Variants in CBFA2T3 observed in about 807,000 individuals in gnomAD.
The protein encoded by CBFA2T3 is CBFA2/RUNX1 partner transcriptional co-repressor 3, also known as transcriptional corepressor CBFA2T3.
A neutral mutation model predicts 58.6 loss-of-function variants in CBFA2T3; 31 were observed. The observed-to-expected ratio is 0.53, with a 90% CI of 0.40 to 0.71. The LOEUF (loss-of-function observed/expected upper bound fraction) is 0.71, where lower values mean the gene tolerates loss of function less well. CBFA2T3 is among the 30% of genes least tolerant of loss of function. The pLI, the probability that CBFA2T3 is intolerant of heterozygous loss-of-function variation, is 0.00. For synonymous variants in CBFA2T3, 531 were observed against 421.9 expected, an observed-to-expected ratio of 1.26 and a Z score of -3.17; for missense variants, 1,076 against 963.1, an observed-to-expected ratio of 1.12 and a Z score of -1.55.
At position 88,875,810 on chromosome 16, in the gene CBFA2T3, CTTT is replaced by C; in HGVS notation, c.*1163_*1165del. 8.6e-6 allele frequency: 2 copies of C among 233,506 alleles called. No individual in the cohort carries two copies. Among genetic ancestry groups the C allele is most frequent in the Non-Finnish European group, 1.7e-5 (2 of 118,012 alleles). 14.5% of individuals were successfully genotyped at this position (233,506 alleles called of 1,614,324 possible). A position where few individuals can be genotyped will look rare whatever the true frequency, so the allele number is the denominator to read the frequency against. On this transcript the variant is annotated 3_prime_UTR_variant, in exon 12 of 12. Transcript: ENST00000268679. ...TCTCTCTGGGAAGAAAACTTTAGCA[CTTT>C]TTTTCCACAAGTGGAAAACGGAAAT... is the stretch of plus-strand genomic sequence containing the variant.
chr16:88,881,365 T>G lies in CBFA2T3; in HGVS notation c.1328A>C (p.Asp443Ala). The part of the protein sequence containing the change: ...HWARRYSDAE[D>A]TKKGPAPAAA... Reference sequence around the variant, plus strand: ...GGCGGGAGCGGGGCCCTTCTTTGTGTCCTCGGCGTCGCTGTAGCGCCGCGC... The same window carrying G: ...GGCGGGAGCGGGGCCCTTCTTTGTGGCCTCGGCGTCGCTGTAGCGCCGCGC... Residue 443 changes from aspartate to alanine, a missense_variant, in exon 9 of 12, where the codon GAC (aspartate) becomes GCC (alanine). By Grantham distance (126) the Asp-to-Ala change is moderately radical. Transcript: ENST00000268679. 6.3e-7 allele frequency: 1 copy of G among 1,586,814 alleles called. No homozygotes were observed.
intron 1 of CBFA2T3, among the ~76,000 whole-genome samples, chr16:88,966,861 A>C (rs1049707672): frequency 1.3e-5 from 2 of 151,994 alleles, no homozygotes; most frequent in Admixed American, 1.3e-4. Flanking sequence ...CCAGGCGCTC[A>C]TTTCCCCCAG....
At chr16:88,914,289 G>T (rs762982341) in intron 1 of CBFA2T3, among the ~76,000 whole-genome samples, 20 of 152,366 alleles carry the variant, frequency 1.3e-4, no homozygotes, top group Middle Eastern at 3.4e-3. Context: ...AGTGACCAGA[G>T]GGGGATCGGA....
At chr16:88,943,647 C>G (rs1971821311) in intron 1 of CBFA2T3, among the ~76,000 whole-genome samples, 1 of 152,208 alleles carries the variant, frequency 6.6e-6, no homozygotes, top group South Asian at 2.1e-4. Flanking sequence ...TGGCACAGAG[C>G]TGGGCACCGT....
chr16:88,972,340 G>A (rs1189365337), intron 1 of CBFA2T3, among the ~76,000 whole-genome samples: 1 of 152,080 alleles, frequency 6.6e-6, no homozygotes, highest in Non-Finnish European at 1.5e-5. Context: ...GATAGTTGGG[G>A]GGGAGTCAGG....
At chr16:88,905,920 G>T (rs1368332619) in intron 1 of CBFA2T3, among the ~76,000 whole-genome samples, 1 of 149,256 alleles carries the variant, frequency 6.7e-6, no homozygotes, top group East Asian at 1.9e-4. Context: ...CTTGGCGCTG[G>T]CTGGGCAGGG....
At chr16:88,890,949 A>G (rs1380358543) in intron 5 of CBFA2T3, among the ~76,000 whole-genome samples, 2 of 152,154 alleles carry the variant, frequency 1.3e-5, no homozygotes, top group Non-Finnish European at 2.9e-5. Context: ...CCTGGCCTCA[A>G]GCAATCCCCG....
chr16:88,899,924 G>A (rs1970035781), intron 2 of CBFA2T3, among the ~76,000 whole-genome samples: 1 of 152,134 alleles, frequency 6.6e-6, no homozygotes, highest in Non-Finnish European at 1.5e-5. Flanking sequence ...AAGCTGCCTG[G>A]TAGAGAGACG....
chr16:88,887,551 A>C (rs761286176), intron 5 of CBFA2T3, among the ~76,000 whole-genome samples: 1 of 152,090 alleles, frequency 6.6e-6, no homozygotes, highest in Admixed American at 6.5e-5. Context: ...CAGGCTCAGG[A>C]AAGGGTGCAG....
At chr16:88,911,258 C>T (rs61691324) in intron 1 of CBFA2T3, among the ~76,000 whole-genome samples, 26 of 152,330 alleles carry the variant, frequency 1.7e-4, no homozygotes, top group African/African-American at 5.1e-4. Flanking sequence ...TGACGATGGA[C>T]GGCACGGGGT....
chr16:88,878,181 C>T (rs921645706), intron 11 of CBFA2T3, among the ~76,000 whole-genome samples: 1 of 152,260 alleles, frequency 6.6e-6, no homozygotes, highest in African/African-American at 2.4e-5. Flanking sequence ...AGCCCCACTC[C>T]CCACACACTT....
At chr16:88,923,694 A>G (rs1420418213) in intron 1 of CBFA2T3, among the ~76,000 whole-genome samples, 1 of 152,174 alleles carries the variant, frequency 6.6e-6, no homozygotes, top group African/African-American at 2.4e-5. Context: ...CCCGGCTCAC[A>G]CATGTCGCTC....
At chr16:88,925,566 C>T (rs1000693223) in intron 1 of CBFA2T3, among the ~76,000 whole-genome samples, 1 of 152,198 alleles carries the variant, frequency 6.6e-6, no homozygotes, top group Non-Finnish European at 1.5e-5. Context: ...GACAGGCAGT[C>T]ACTTTGCAGT....
At chr16:88,884,801 C>T (rs994946886) in intron 7 of CBFA2T3, 9 of 447,242 alleles carry the variant, frequency 2.0e-5, no homozygotes, top group South Asian at 3.8e-5. Context: ...ATGAGAACCA[C>T]GTGGGCAGTT....
At chr16:88,895,617 G>T (rs150051681) in intron 3 of CBFA2T3, among the ~76,000 whole-genome samples, 1,986 of 151,722 alleles carry the variant, frequency 0.013, 41 homozygotes, top group African/African-American at 0.046. Context: ...TTGGTGGAGC[G>T]GGGGGAACAG....
chr16:88,879,768 C>A, intron 10 of CBFA2T3: 1 of 351,566 alleles, frequency 2.8e-6, no homozygotes, highest in Non-Finnish European at 5.2e-6. Flanking sequence ...AGCTTGCACT[C>A]TACCGCAGCG....
chr16:88,972,399 C>A (rs993261134), intron 1 of CBFA2T3, among the ~76,000 whole-genome samples: 4 of 152,156 alleles, frequency 2.6e-5, no homozygotes, highest in Non-Finnish European at 5.9e-5. Context: ...TCTGTGGATG[C>A]CCCTCTCTCT....
chr16:88,908,746 CCTT>C (rs750684489), intron 1 of CBFA2T3, among the ~76,000 whole-genome samples: 4 of 152,254 alleles, frequency 2.6e-5, no homozygotes, highest in Admixed American at 2.0e-4. Flanking sequence ...TCCGCTGTAA[CCTT>C]CTTTGACCCC....
At chr16:88,889,654 ACAGGTCT>A (rs1969543209) in intron 5 of CBFA2T3, among the ~76,000 whole-genome samples, 1 of 152,054 alleles carries the variant, frequency 6.6e-6, no homozygotes, top group Admixed American at 6.5e-5. Flanking sequence ...ACAGAGGCCA[ACAGGTCT>A]GTGAGAGACC....
Sources: gnomAD v4.1 joint callset for allele counts (sites outside exome capture counted in the v4.1 genomes callset) on GRCh38, gnomAD v4.1.1 for gene constraint, MANE v1.5 for transcripts, NCBI Gene and HGNC (gene_info 2026-07-23, HGNC 2026-07-21) for gene names.